The following ADGRB3 variants were observed in gnomAD, a reference collection of about 807,000 sequenced individuals.
ADGRB3 encodes brain-specific angiogenesis inhibitor 3.
A neutral mutation model predicts 193.4 loss-of-function variants in ADGRB3; 37 were observed. That is an observed-to-expected ratio of 0.19 (90% CI 0.15 to 0.25). ADGRB3 has a LOEUF of 0.25. ADGRB3 is among the 10% of genes least tolerant of loss of function. The pLI, the probability that ADGRB3 is intolerant of heterozygous loss-of-function variation, is 1.00. For synonymous variants in ADGRB3, 690 were observed against 644.2 expected, an observed-to-expected ratio of 1.07 and a Z score of -1.08; for missense variants, 1,637 against 1,852.9, an observed-to-expected ratio of 0.88 and a Z score of 2.14.
At chr6:69,320,887 TAC>T (rs1282333110) in intron 20 of ADGRB3, among the ~76,000 whole-genome samples, 1 of 150,518 alleles carries the variant, frequency 6.6e-6, no homozygotes, top group Non-Finnish European at 1.5e-5. Flanking sequence ...GGAGAATTTT[TAC>T]AGTGTTTTGA....
intron 5 of ADGRB3, among the ~76,000 whole-genome samples, chr6:68,937,379 G>A (rs1767512624): frequency 6.6e-6 from 1 of 152,140 alleles, no homozygotes; most frequent in Non-Finnish European, 1.5e-5. Context: ...CCAGACTACA[G>A]ACTTTCATGT....
At chr6:69,206,677 A>T (rs1342046110) in intron 17 of ADGRB3, among the ~76,000 whole-genome samples, 6 of 152,230 alleles carry the variant, frequency 3.9e-5, no homozygotes, top group Admixed American at 3.9e-4. Flanking sequence ...GTCACATGAT[A>T]AAAAAGAAAA....
chr6:69,131,652 G>T (rs1166063089), intron 17 of ADGRB3, among the ~76,000 whole-genome samples: 1 of 151,698 alleles, frequency 6.6e-6, no homozygotes, highest in Non-Finnish European at 1.5e-5. Context: ...AATACTTTAA[G>T]TTCTGGGATA....
At chr6:69,113,617 A>T (rs191053144) in intron 17 of ADGRB3, among the ~76,000 whole-genome samples, 1 of 152,160 alleles carries the variant, frequency 6.6e-6, no homozygotes, top group Admixed American at 6.5e-5. Flanking sequence ...ATATTAACAT[A>T]TTACCTAAGT....
chr6:68,832,458 C>T (rs1767973935), intron 3 of ADGRB3, among the ~76,000 whole-genome samples: 1 of 152,004 alleles, frequency 6.6e-6, no homozygotes, highest in African/African-American at 2.4e-5. Flanking sequence ...TCTGAGTTTC[C>T]CACATTAATT....
chr6:68,914,061 G>T (rs371020793), intron 3 of ADGRB3, among the ~76,000 whole-genome samples: 1 of 151,772 alleles, frequency 6.6e-6, no homozygotes, highest in Non-Finnish European at 1.5e-5. Context: ...CCAAATCTAC[G>T]TCTGATTGGT....
Position 68,820,130 on chromosome 6 carries a change from C to T in ADGRB3, c.758-110429C>T, listed in dbSNP as rs1005022194. On this transcript the variant is annotated intron_variant, in intron 3 of 31. Transcript: ENST00000370598. ...ACTCTGATCTACCTTCTACTGGGTA[C>T]TCACCTCCATATTACCTGTATTTAG... Among the ~76,000 whole-genome samples the T allele has an allele frequency of 2.6e-5, 4 of 151,988 alleles. No homozygotes were observed. The East Asian group carries it at 7.7e-4, about 29-fold the overall frequency.
At chr6:69,347,439 GA>G (rs1252726730) in intron 26 of ADGRB3, among the ~76,000 whole-genome samples, 1 of 152,114 alleles carries the variant, frequency 6.6e-6, no homozygotes, top group Non-Finnish European at 1.5e-5. Flanking sequence ...AGTTCAAAAA[GA>G]AACACATTTC....
intron 3 of ADGRB3, among the ~76,000 whole-genome samples, chr6:68,772,894 A>T (rs927857242): frequency 0.046 from 1,007 of 21,996 alleles, 11 homozygotes; most frequent in East Asian, 0.054. Context: ...AAAAAAAAAA[A>T]ATATATATAT....
At chr6:69,158,446 A>AAAT (rs3839470) in intron 17 of ADGRB3, among the ~76,000 whole-genome samples, 1 of 151,650 alleles carries the variant, frequency 6.6e-6, no homozygotes, top group African/African-American at 2.4e-5. Flanking sequence ...AAAAAAAAAA[A>AAAT]TAAGAAATAC....
chr6:69,209,025 C>T (rs61296729), intron 17 of ADGRB3, among the ~76,000 whole-genome samples: 230 of 152,250 alleles, frequency 1.5e-3, no homozygotes, highest in African/African-American at 5.1e-3. Flanking sequence ...CTCCAAAATC[C>T]TAGAGGCCTC....
At position 68,772,890 on chromosome 6, in the gene ADGRB3, AAAAAATATATATATATATAT is replaced by A. The variant is rs1420347959; in HGVS notation, c.757+133460_757+133479del. Among the ~76,000 whole-genome samples the A allele has an allele frequency of 8.6e-3, 396 of 46,100 alleles. 12 individuals are homozygous for A. Among genetic ancestry groups the A allele is most frequent in the African/African-American group, 0.042 (361 of 8,638 alleles). 30.2% of individuals were successfully genotyped at this position (46,100 alleles called of 152,430 possible). On this transcript the variant is annotated intron_variant, in intron 3 of 31. Transcript: ENST00000370598. The stretch of plus-strand genomic sequence containing the variant: ...ACAAACAAACAAACAAACAAAAAAA[AAAAAATATATATATATATAT>A]ATATATATATATATATATATATACA...
intron 29 of ADGRB3, among the ~76,000 whole-genome samples, chr6:69,366,795 C>A (rs1425715254): frequency 6.6e-5 from 10 of 152,084 alleles, no homozygotes; most frequent in African/African-American, 2.4e-4. Flanking sequence ...AAGTCACATT[C>A]TTTTGAACAC....
At chr6:69,190,351 G>GT (rs1299528590) in intron 17 of ADGRB3, among the ~76,000 whole-genome samples, 1 of 151,590 alleles carries the variant, frequency 6.6e-6, no homozygotes, top group Non-Finnish European at 1.5e-5. Flanking sequence ...TAATGTTTGT[G>GT]TTTTTATCTT....
At chr6:69,388,625 G>C (rs1034436590) in intron 31 of ADGRB3, 78 bp from the exon 32 acceptor site, 33 of 1,340,498 alleles carry the variant, frequency 2.5e-5, no homozygotes, top group Non-Finnish European at 3.4e-5. Flanking sequence ...TTACAAACAC[G>C]CTCTCTTCCT....
chr6:68,709,736 A>G (rs1765379550), intron 3 of ADGRB3, among the ~76,000 whole-genome samples: 1 of 152,204 alleles, frequency 6.6e-6, no homozygotes, highest in South Asian at 2.1e-4. Context: ...TTAAAATATT[A>G]AACCAGAATA....
At chr6:68,786,191 C>A (rs1766965050) in intron 3 of ADGRB3, among the ~76,000 whole-genome samples, 1 of 151,984 alleles carries the variant, frequency 6.6e-6, no homozygotes, top group South Asian at 2.1e-4. Context: ...GCTTTTGTTG[C>A]CATTGCTTTT....
intron 3 of ADGRB3, among the ~76,000 whole-genome samples, chr6:68,716,268 T>G (rs1765487914): frequency 1.3e-5 from 2 of 151,742 alleles, no homozygotes; most frequent in African/African-American, 4.8e-5. Context: ...TAGGTGTTCA[T>G]GTGTTCATTT....
At position 68,772,956 on chromosome 6, in the gene ADGRB3, AT is replaced by A. The variant is rs1562023571; in HGVS notation, c.757+133525del. Among the ~76,000 whole-genome samples the A allele has an allele frequency of 1.7e-3, 239 of 138,698 alleles. 8 individuals carry two copies. The highest frequency in any genetic ancestry group is 6.5e-3 in the African/African-American group (232 of 35,868). The allele number at this position is 138,698 out of a possible 152,430, so 91.0% of individuals were successfully genotyped here. ...ATACATACACACACAAAAATAAAAA[AT>A]AAAAATAAAATAGACAGGCATGGTA... On this transcript the variant is annotated intron_variant, in intron 3 of 31. Coordinates refer to ENST00000370598, the MANE Select transcript of ADGRB3 (RefSeq NM_001704.3).
Sources: gnomAD v4.1 joint callset for allele counts (sites outside exome capture counted in the v4.1 genomes callset) on GRCh38, gnomAD v4.1.1 for gene constraint, MANE v1.5 for transcripts, NCBI Gene and HGNC (gene_info 2026-07-23, HGNC 2026-07-21) for gene names.